GUCY1A2: variants seen among roughly 807,000 people sequenced by gnomAD.
GUCY1A2 encodes guanylate cyclase 1 soluble subunit alpha 2.
In GUCY1A2, 27 loss-of-function variants were observed where a neutral mutation model predicts 63.5. The observed-to-expected ratio is 0.43, with a 90% confidence interval of 0.31 to 0.59. The LOEUF is 0.59. Among genes scored for constraint, GUCY1A2 ranks in the 20% least tolerant of loss-of-function variants. The pLI is 0.11. For missense variants in GUCY1A2, 768 were observed against 913.3 expected (o/e 0.84, Z 2.05); for synonymous variants, 364 against 343.5 (o/e 1.06, Z -0.66).
At chr11:106,687,977 G>C (rs1010999735) in intron 7 of GUCY1A2, among the ~76,000 whole-genome samples, 3 of 152,118 alleles carry the variant, frequency 2.0e-5, no homozygotes, top group African/African-American at 7.2e-5. Flanking sequence ...CCAAAGCTGA[G>C]TATGGTACTA....
chr11:106,692,093 C>T (rs1862635007), intron 7 of GUCY1A2, among the ~76,000 whole-genome samples: 1 of 152,158 alleles, frequency 6.6e-6, no homozygotes, highest in East Asian at 1.9e-4. Context: ...CCTAGGATCC[C>T]CTCTGAAATG....
chr11:106,788,814 A>G (rs887030913), intron 5 of GUCY1A2, among the ~76,000 whole-genome samples: 1 of 152,216 alleles, frequency 6.6e-6, no homozygotes, highest in Non-Finnish European at 1.5e-5. Flanking sequence ...GCTCTGTAGT[A>G]TAATTTGAAG....
rs1864605050 is a variant in GUCY1A2, at chr11:106,788,555, A to G, written c.1693-11973T>C. ...TAAGTCTTTAACCCATTTTAATTTG[A>G]TTTTTCTATATGATGACATAGTGGT... On this transcript the variant is annotated intron_variant, in intron 5 of 7. Transcript: ENST00000526355. Among the ~76,000 whole-genome samples the G allele has an allele frequency of 3.3e-5, 5 of 152,122 alleles. 1 individual carries two copies. In the South Asian group the frequency reaches 1.0e-3, roughly 32 times the overall value.
At chr11:106,872,339 G>T (rs1485846388) in intron 4 of GUCY1A2, among the ~76,000 whole-genome samples, 1 of 152,060 alleles carries the variant, frequency 6.6e-6, no homozygotes, top group Non-Finnish European at 1.5e-5. Flanking sequence ...ATTATCATAA[G>T]TGACACTCAT....
chr11:106,855,893 T>TTTTCTTTTTTTATTTATTTA (rs536833371), intron 4 of GUCY1A2, among the ~76,000 whole-genome samples: 3 of 94,352 alleles, frequency 3.2e-5, no homozygotes, highest in African/African-American at 1.0e-4. Context: ...GTCTCTTGTA[T>TTTTCTTTTTTTATTTATTTA]TTTATTTATT....
At chr11:106,888,096 C>T (rs1209386590) in intron 4 of GUCY1A2, among the ~76,000 whole-genome samples, 1 of 152,014 alleles carries the variant, frequency 6.6e-6, no homozygotes, top group Admixed American at 6.5e-5. Context: ...TCACCTGTGC[C>T]TACACAGGGC....
At chr11:106,913,396 G>A (rs1860323044) in intron 4 of GUCY1A2, among the ~76,000 whole-genome samples, 1 of 152,094 alleles carries the variant, frequency 6.6e-6, no homozygotes, top group African/African-American at 2.4e-5. Context: ...CACATGATGA[G>A]AATAGAAGTG....
chr11:106,813,790 G>A (rs1373916888), intron 4 of GUCY1A2, among the ~76,000 whole-genome samples: 1 of 152,074 alleles, frequency 6.6e-6, no homozygotes, highest in African/African-American at 2.4e-5. Flanking sequence ...TAATGATGTT[G>A]AGGAGGATGA....
intron 1 of GUCY1A2, among the ~76,000 whole-genome samples, chr11:107,002,937 C>T (rs1861628359): frequency 6.6e-6 from 1 of 152,182 alleles, no homozygotes; most frequent in Admixed American, 6.5e-5. Context: ...CATATTCCTA[C>T]ATTCCCCTTG....
intron 6 of GUCY1A2, among the ~76,000 whole-genome samples, chr11:106,745,682 G>A (rs922299017): frequency 1.3e-5 from 2 of 152,146 alleles, no homozygotes; most frequent in Non-Finnish European, 2.9e-5. Flanking sequence ...TGTAATGACT[G>A]TCCTAAGATG....
intron 4 of GUCY1A2, among the ~76,000 whole-genome samples, chr11:106,933,106 T>A (rs1384001912): frequency 6.6e-6 from 1 of 151,862 alleles, no homozygotes; most frequent in Non-Finnish European, 1.5e-5. Context: ...AAAACAAAAA[T>A]TGACAAGTGG....
intron 6 of GUCY1A2, among the ~76,000 whole-genome samples, chr11:106,730,059 AATAT>A (rs60486225): frequency 0.22 from 23,023 of 102,880 alleles, 2,590 homozygotes; most frequent in Admixed American, 0.27. Flanking sequence ...ATCAGCATGG[AATAT>A]ATATATATAT....
intron 4 of GUCY1A2, among the ~76,000 whole-genome samples, chr11:106,902,888 T>G (rs1246634338): frequency 6.6e-6 from 1 of 152,190 alleles, no homozygotes; most frequent in African/African-American, 2.4e-5. Context: ...TACACTATTT[T>G]ACAGCAAGAA....
chr11:106,800,843 A>G (rs1864863829), intron 5 of GUCY1A2, among the ~76,000 whole-genome samples: 1 of 151,964 alleles, frequency 6.6e-6, no homozygotes, highest in African/African-American at 2.4e-5. Flanking sequence ...CATATGTAAC[A>G]AACCTGCACG....
At chr11:106,933,081 C>A (rs1860625834) in intron 4 of GUCY1A2, among the ~76,000 whole-genome samples, 1 of 151,884 alleles carries the variant, frequency 6.6e-6, no homozygotes, top group South Asian at 2.1e-4. Context: ...TACTAAGTCC[C>A]AAAAGCAACA....
In GUCY1A2 at chr11:106,818,074, G is replaced by A. The variant is rs185817434; in HGVS notation, c.1207-7596C>T. Among the ~76,000 whole-genome samples the A allele has an allele frequency of 1.3e-3, 198 of 152,150 alleles. 2 individuals are homozygous for A. The highest frequency in any genetic ancestry group is 4.5e-3 in the African/African-American group (187 of 41,532). ...GCATTAAACACTATAGCCAAAATAC[G>A]GAATAAACCTAAGTGTCCATCAACA... On this transcript the variant is annotated intron_variant, in intron 4 of 7. Transcript: ENST00000526355.
chr11:106,997,666 C>G (rs893463635), intron 1 of GUCY1A2, among the ~76,000 whole-genome samples: 1 of 125,418 alleles, frequency 8.0e-6, no homozygotes, highest in Non-Finnish European at 1.6e-5. Flanking sequence ...TAGACCTCTT[C>G]GTGGCTATGC....
chr11:106,816,060 C>A (rs1040842006), intron 4 of GUCY1A2, among the ~76,000 whole-genome samples: 7 of 150,834 alleles, frequency 4.6e-5, no homozygotes, highest in African/African-American at 7.3e-5. Context: ...CCACAGAAAA[C>A]TGATACCTTA....
rs191367569 is a variant in GUCY1A2 at position 106,990,930 on chromosome 11, C to G, written c.304-4799G>C. Among the ~76,000 whole-genome samples the G allele has an allele frequency of 6.0e-3, 915 of 152,314 alleles. 9 individuals carry two copies. Among genetic ancestry groups the G allele is most frequent in the African/African-American group, 0.02 (843 of 41,564 alleles). ...ATTTCTGCTTAGTGACATATACTCA[C>G]AAGACACAAACTTAATAGAAACAAT... On this transcript the variant is annotated intron_variant, in intron 1 of 7. Transcript: ENST00000526355.
Sources: gnomAD v4.1 joint callset for allele counts (sites outside exome capture counted in the v4.1 genomes callset) on GRCh38, gnomAD v4.1.1 for gene constraint, MANE v1.5 for transcripts, NCBI Gene and HGNC (gene_info 2026-07-23, HGNC 2026-07-21) for gene names.